YES1: variants seen among roughly 807,000 people sequenced by gnomAD.
YES1 encodes tyrosine-protein kinase Yes.
In YES1, 39 loss-of-function variants were observed where a neutral mutation model predicts 70.4. That is an observed-to-expected ratio of 0.55 (90% confidence interval 0.43 to 0.72). The LOEUF (loss-of-function observed/expected upper bound fraction) is 0.72, where lower values mean the gene tolerates loss of function less well. YES1 is among the 30% of genes least tolerant of loss of function. The pLI is 0.00. For missense variants in YES1, 495 were observed against 644.8 expected, an observed-to-expected ratio of 0.77 and a Z score of 2.52; for synonymous variants, 198 against 218.6, an observed-to-expected ratio of 0.91 and a Z score of 0.83.
chr18:801,141 ATC>A (rs1906799304), intron 1 of YES1, among the ~76,000 whole-genome samples: 1 of 152,034 alleles, frequency 6.6e-6, no homozygotes, highest in South Asian at 2.1e-4. Context: ...GCGAGACTCC[ATC>A]TCAAAAAAAT....
intron 2 of YES1, among the ~76,000 whole-genome samples, chr18:752,610 C>G (rs2080356080): frequency 6.6e-6 from 1 of 151,956 alleles, no homozygotes; most frequent in South Asian, 2.1e-4. Flanking sequence ...AAAATTATTA[C>G]ATATTTAACA....
intron 1 of YES1, among the ~76,000 whole-genome samples, chr18:780,161 G>T (rs1186652850): frequency 2.0e-5 from 3 of 152,056 alleles, no homozygotes; most frequent in African/African-American, 7.2e-5. Flanking sequence ...GGAGGTGGGG[G>T]TCACAGTTAG....
At position 809,504 on chromosome 18, in the gene YES1, TTGGC is replaced by T. The variant is rs1907265289; in HGVS notation, c.-9+2606_-9+2609del. 2.0e-5 allele frequency among the ~76,000 whole-genome samples: 3 copies of T among 151,970 alleles called. No homozygotes were observed. The South Asian group carries it at 6.2e-4, about 31-fold the overall frequency. On this transcript the variant is annotated intron_variant, in intron 1 of 11. Coordinates refer to ENST00000314574, the MANE Select transcript of YES1 (RefSeq NM_005433.4). ...TTAGTAGAGATGGGGTTTCACCACG[TTGGC>T]CAGGCTGGTCTCAAACTGCTGGCCT... is the stretch of plus-strand genomic sequence containing the variant.
intron 11 of YES1, among the ~76,000 whole-genome samples, chr18:727,945 C>T (rs1568182154): frequency 1.3e-5 from 2 of 152,058 alleles, no homozygotes; most frequent in East Asian, 1.9e-4. Context: ...ATGTTTGGGA[C>T]CAGAAGTGTT....
chr18:757,279 G>T (rs920397044), intron 1 of YES1, among the ~76,000 whole-genome samples: 1 of 151,158 alleles, frequency 6.6e-6, no homozygotes, highest in Non-Finnish European at 1.5e-5. Context: ...CAAGGCGGGC[G>T]GATCACGAGG....
intron 1 of YES1, among the ~76,000 whole-genome samples, chr18:799,579 G>A (rs1018479541): frequency 8.5e-5 from 13 of 152,104 alleles, no homozygotes; most frequent in African/African-American, 2.9e-4. Context: ...GCAAGGTGGT[G>A]CATGCCCGTA....
Position 791,909 on chromosome 18 carries a change from G to C in YES1, c.-9+20205C>G, listed in dbSNP as rs576090893. 1.4e-3 allele frequency among the ~76,000 whole-genome samples: 220 copies of C among 152,038 alleles called. 3 individuals are homozygous for C. The highest frequency in any genetic ancestry group is 5.2e-3 in the African/African-American group (214 of 41,476). On this transcript the variant is annotated intron_variant, in intron 1 of 11. Coordinates refer to ENST00000314574, the MANE Select transcript of YES1 (RefSeq NM_005433.4). ...GCCTCTACTAAAAATACAAAAATCA[G>C]CTGGGGGTGTTGGCGTGCACCTGTG...
intron 6 of YES1, among the ~76,000 whole-genome samples, chr18:743,872 C>G (rs2080244331): frequency 6.6e-6 from 1 of 150,426 alleles, no homozygotes; most frequent in African/African-American, 2.4e-5. Flanking sequence ...CGCCACTGCA[C>G]TCTAGCCTGG....
intron 1 of YES1, among the ~76,000 whole-genome samples, chr18:806,560 A>C (rs1907108951): frequency 6.6e-6 from 1 of 152,230 alleles, no homozygotes; most frequent in African/African-American, 2.4e-5. Context: ...ACATCCCTAC[A>C]TACAATTCAG....
chr18:735,585 G>A (rs1048680091), intron 10 of YES1, among the ~76,000 whole-genome samples: 1 of 151,948 alleles, frequency 6.6e-6, no homozygotes, highest in East Asian at 1.9e-4. Flanking sequence ...GTGGTGGTAC[G>A]AGCCTGTAAT....
intron 1 of YES1, among the ~76,000 whole-genome samples, chr18:785,821 C>T (rs1403444559): frequency 6.6e-6 from 1 of 151,952 alleles, no homozygotes; most frequent in African/African-American, 2.4e-5. Flanking sequence ...CCAGTAGTCC[C>T]AGCTACTTGG....
intron 1 of YES1, among the ~76,000 whole-genome samples, chr18:770,268 C>CTTTTTTTTT (rs11324966): frequency 7.1e-6 from 1 of 140,136 alleles, no homozygotes. Flanking sequence ...GCCCTTTTAT[C>CTTTTTTTTT]TTTTTTTTTT....
chr18:724,696 A>C, intron 11 of YES1, 64 bp from the exon 12 acceptor site: 2 of 1,332,544 alleles, frequency 1.5e-6, no homozygotes, highest in Non-Finnish European at 2.2e-6. Flanking sequence ...AAACATAACA[A>C]ACCCCCTAGC....
chr18:799,386 G>C (rs1456428511), intron 1 of YES1, among the ~76,000 whole-genome samples: 1 of 152,180 alleles, frequency 6.6e-6, no homozygotes, highest in Non-Finnish European at 1.5e-5. Context: ...TAATATAAGA[G>C]GAACTAATGT....
At chr18:775,067 GA>G (rs1598926434) in intron 1 of YES1, 1 of 152,278 alleles carries the variant, frequency 6.6e-6, no homozygotes, top group East Asian at 1.9e-4. Flanking sequence ...CTAGCTGGGT[GA>G]ACTTCAACAA....
At chr18:737,240 G>A (rs913875847) in intron 9 of YES1, 1 of 251,692 alleles carries the variant, frequency 4.0e-6, no homozygotes, top group African/African-American at 2.3e-5. Context: ...ATCATTTGAG[G>A]TCATGAGTTC....
At chr18:778,367 C>T (rs1905489909) in intron 1 of YES1, among the ~76,000 whole-genome samples, 1 of 152,240 alleles carries the variant, frequency 6.6e-6, no homozygotes, top group Non-Finnish European at 1.5e-5. Flanking sequence ...AAATCCACTG[C>T]TCAACCTATG....
intron 1 of YES1, among the ~76,000 whole-genome samples, chr18:797,401 G>C (rs999495032): frequency 6.6e-6 from 1 of 151,582 alleles, no homozygotes; most frequent in African/African-American, 2.4e-5. Context: ...ATCACCAAAA[G>C]AAAAAGCAAC....
At chr18:766,433 G>A (rs1904912332) in intron 1 of YES1, among the ~76,000 whole-genome samples, 1 of 151,904 alleles carries the variant, frequency 6.6e-6, no homozygotes, top group African/African-American at 2.4e-5. Context: ...AAACCGCAAA[G>A]GGATAGCACT....
Sources: gnomAD v4.1 joint callset for allele counts (sites outside exome capture counted in the v4.1 genomes callset) on GRCh38, gnomAD v4.1.1 for gene constraint, MANE v1.5 for transcripts, NCBI Gene and HGNC (gene_info 2026-07-23, HGNC 2026-07-21) for gene names.